The following PLA2G4A variants were observed in gnomAD, a reference collection of about 807,000 sequenced individuals.
PLA2G4A encodes the protein phospholipase A2 group IVA.
A neutral mutation model predicts 81.9 loss-of-function variants in PLA2G4A; 40 were observed. The ratio of observed to expected loss-of-function variants is 0.49; its 90% CI spans 0.38 to 0.64. PLA2G4A has a LOEUF of 0.64. Ranked by LOEUF, PLA2G4A falls within the 30% of genes least tolerant of loss-of-function variation. PLA2G4A has a pLI of 0.00. For synonymous variants in PLA2G4A, 302 were observed against 296.9 expected, an observed-to-expected ratio of 1.02 and a Z score of -0.18; for missense variants, 715 against 905.1, an observed-to-expected ratio of 0.79 and a Z score of 2.69.
chr1:186,945,742 A>G (rs1362754430), intron 10 of PLA2G4A, among the ~76,000 whole-genome samples: 1 of 152,178 alleles, frequency 6.6e-6, no homozygotes, highest in Non-Finnish European at 1.5e-5. Context: ...TTGCAAATGT[A>G]GAAAATGGGA....
intron 1 of PLA2G4A, among the ~76,000 whole-genome samples, chr1:186,834,092 T>TC (rs34429516): frequency 1.3e-5 from 2 of 152,208 alleles, no homozygotes; most frequent in African/African-American, 4.8e-5. Flanking sequence ...TAAACAAATG[T>TC]CATTAATATG....
At chr1:186,916,603 G>A (rs1258335846) in intron 7 of PLA2G4A, among the ~76,000 whole-genome samples, 1 of 152,016 alleles carries the variant, frequency 6.6e-6, no homozygotes, top group African/African-American at 2.4e-5. Flanking sequence ...TATCATTTAT[G>A]AGTCCCCACC....
At chr1:186,884,631 T>C (rs1653863856) in intron 3 of PLA2G4A, among the ~76,000 whole-genome samples, 1 of 151,920 alleles carries the variant, frequency 6.6e-6, no homozygotes, top group African/African-American at 2.4e-5. Context: ...AATCCCAGCA[T>C]TTTGGGGAGC....
At chr1:186,873,860 T>C (rs1357523861) in intron 3 of PLA2G4A, among the ~76,000 whole-genome samples, 1 of 152,152 alleles carries the variant, frequency 6.6e-6, no homozygotes. Context: ...TGCCAGTTCC[T>C]TCCCAGACAT....
Position 186,918,166 on chromosome 1 carries a change from A to G in PLA2G4A, c.558+6777A>G, listed in dbSNP as rs544617400. ...TGTTTGAGGGAGTAAGGGGGCTGCT[A>G]TCGATGCCCAGTAAGGGGTAGATGC... is the stretch of plus-strand genomic sequence containing the variant. On this transcript the variant is annotated intron_variant, in intron 7 of 17. Coordinates refer to ENST00000367466, the MANE Select transcript of PLA2G4A (RefSeq NM_024420.3). Among the ~76,000 whole-genome samples, 10 of 152,242 alleles carry G rather than the reference A, an allele frequency of 6.6e-5. No homozygotes were observed. The South Asian group carries it at 2.1e-3, about 32-fold the overall frequency.
At chr1:186,836,364 T>C (rs753200668) in intron 1 of PLA2G4A, among the ~76,000 whole-genome samples, 4 of 151,628 alleles carry the variant, frequency 2.6e-5, no homozygotes, top group Non-Finnish European at 2.9e-5. Context: ...AAGCCAATTG[T>C]CAATCTAAGA....
chr1:186,956,111 A>G lies in PLA2G4A; in HGVS notation c.1346A>G (p.Asn449Ser). ...DESHEPKGTE[N>S]EDAGSDYQSD... Reference sequence around the variant, plus strand: ...TTTTATTTTTCCCTAGGCACTGAAAATGAAGATGCTGGAAGTGACTATCAA... The same window carrying G: ...TTTTATTTTTCCCTAGGCACTGAAAGTGAAGATGCTGGAAGTGACTATCAA... Residue 449 changes from asparagine (N) to serine (S), a missense_variant, in exon 14 of 18, where the codon AAT becomes AGT. Transcript: ENST00000367466. 6.2e-7 allele frequency: 1 copy of G among 1,613,410 alleles called. No individual in the cohort carries two copies. The highest frequency in any genetic ancestry group is 2.2e-5 in the East Asian group (1 of 44,854).
intron 1 of PLA2G4A, among the ~76,000 whole-genome samples, chr1:186,853,254 AT>A (rs143542357): frequency 6.6e-6 from 1 of 151,680 alleles, no homozygotes; most frequent in Non-Finnish European, 1.5e-5. Context: ...AGAAGATCCC[AT>A]TTTTTTAAAA....
chr1:186,833,859 C>T (rs1179349636), intron 1 of PLA2G4A, among the ~76,000 whole-genome samples: 2 of 152,158 alleles, frequency 1.3e-5, no homozygotes, highest in African/African-American at 2.4e-5. Flanking sequence ...AGAAACTCAG[C>T]AGACACCTGA....
chr1:186,912,783 C>CA (rs1558430266), intron 7 of PLA2G4A, among the ~76,000 whole-genome samples: 2 of 99,374 alleles, frequency 2.0e-5, no homozygotes, highest in Admixed American at 9.5e-5. Flanking sequence ...TATATGTATA[C>CA]TTATATATAT....
chr1:186,836,641 C>A (rs1288900784), intron 1 of PLA2G4A, among the ~76,000 whole-genome samples: 1 of 152,078 alleles, frequency 6.6e-6, no homozygotes, highest in Non-Finnish European at 1.5e-5. Context: ...TCAAGAAATG[C>A]AGATGTTAAT....
In PLA2G4A at chr1:186,979,400, T is replaced by A. The variant is rs763983369; in HGVS notation, c.2046T>A (p.Asn682Lys). The change falls in exon 17 of 18, where the codon AAT (asparagine) becomes AAA (lysine). Residue 682 changes from asparagine (N) to lysine (K), a missense_variant. Asn to Lys is a moderately conservative substitution (Grantham distance 94). Transcript: ENST00000367466. ...CAGAATCACCATTTTCAACCTTCAA[T>A]TTTCAATATCCAAATCAAGCATTCA... ...DDPESPFSTF[N>K]FQYPNQAFKR... The A allele has an allele frequency of 6.2e-7, 1 of 1,603,470 alleles. No homozygotes were observed. Among genetic ancestry groups the A allele is most frequent in the East Asian group, 2.2e-5 (1 of 44,826 alleles).
intron 7 of PLA2G4A, among the ~76,000 whole-genome samples, chr1:186,915,826 C>T (rs1327337119): frequency 6.6e-6 from 1 of 152,114 alleles, no homozygotes; most frequent in Non-Finnish European, 1.5e-5. Flanking sequence ...CTGTCCCAGA[C>T]AACTAAGTCA....
chr1:186,884,382 AG>A (rs1328250621), intron 3 of PLA2G4A, among the ~76,000 whole-genome samples: 1 of 151,328 alleles, frequency 6.6e-6, no homozygotes, highest in Non-Finnish European at 1.5e-5. Context: ...TGGTGGGTGG[AG>A]GGGAAGGATA....
At position 186,932,844 on chromosome 1, in the gene PLA2G4A, G is replaced by A. The variant is rs756083172; in HGVS notation, c.640G>A (p.Glu214Lys). Residue 214 changes from glutamate to lysine, a missense_variant, in exon 8 of 18, where the codon GAA becomes AAA. Transcript: ENST00000367466. ...CTCTGGTGTGATGAAGGCATTATAC[G>A]AATCAGGAATTCTGGATTGTGCTAC... ...GFSGVMKALYESGILDCATYV... is the reference protein window; with the variant it reads ...GFSGVMKALYKSGILDCATYV... 10 of 1,612,652 alleles carry A rather than the reference G, an allele frequency of 6.2e-6. No individual in the cohort carries two copies. Among genetic ancestry groups the A allele is most frequent in the African/African-American group, 5.3e-5 (4 of 74,868 alleles).
chr1:186,889,227 G>T (rs1654048071), intron 3 of PLA2G4A, among the ~76,000 whole-genome samples: 1 of 152,188 alleles, frequency 6.6e-6, no homozygotes, highest in Admixed American at 6.6e-5. Flanking sequence ...CACTGAGTTA[G>T]AAATGAGAAT....
At chr1:186,833,750 A>G (rs1558342444) in intron 1 of PLA2G4A, among the ~76,000 whole-genome samples, 1 of 152,210 alleles carries the variant, frequency 6.6e-6, no homozygotes, top group Non-Finnish European at 1.5e-5. Context: ...TTATACAAAA[A>G]ATGAAATAAG....
chr1:186,970,227 T>C (rs1195867543), intron 15 of PLA2G4A, among the ~76,000 whole-genome samples: 2 of 152,090 alleles, frequency 1.3e-5, no homozygotes, highest in Non-Finnish European at 2.9e-5. Flanking sequence ...GAAGTATCTA[T>C]TCAGATCTTT....
intron 6 of PLA2G4A, among the ~76,000 whole-genome samples, chr1:186,908,968 C>CTTTTTTTTTT (rs1201226836): frequency 1.1e-3 from 83 of 75,062 alleles, no homozygotes; most frequent in African/African-American, 1.3e-3. Flanking sequence ...CTTTTCTTTT[C>CTTTTTTTTTT]TTTTTTTTTT....
Sources: gnomAD v4.1 joint callset for allele counts (sites outside exome capture counted in the v4.1 genomes callset) on GRCh38, gnomAD v4.1.1 for gene constraint, MANE v1.5 for transcripts, NCBI Gene and HGNC (gene_info 2026-07-23, HGNC 2026-07-21) for gene names.